Variants in EHHADH observed in about 807,000 individuals in gnomAD.
EHHADH encodes the protein peroxisomal bifunctional enzyme.
Under a neutral mutation model 64.4 loss-of-function variants are expected in EHHADH, and 48 were observed. The observed-to-expected ratio is 0.75, with a 90% CI of 0.59 to 0.95. The LOEUF is 0.95. Ranked by LOEUF, EHHADH falls within the 40% of genes least tolerant of loss-of-function variation. The pLI is 0.00. For synonymous variants in EHHADH, 308 were observed against 326.7 expected, an observed-to-expected ratio of 0.94 and a Z score of 0.62; for missense variants, 854 against 876.6, an observed-to-expected ratio of 0.97 and a Z score of 0.33.
At chr3:185,201,423 A>G (rs1718218355) in intron 6 of EHHADH, among the ~76,000 whole-genome samples, 1 of 152,214 alleles carries the variant, frequency 6.6e-6, no homozygotes, top group Non-Finnish European at 1.5e-5. Context: ...AGTGTCCCAT[A>G]AAGCGCAATG....
At position 185,248,021 on chromosome 3, in the gene EHHADH, G is replaced by A. The variant is rs533791187; in HGVS notation, c.178+393C>T. The A allele has an allele frequency of 3.7e-5, 6 of 162,996 alleles. No individual in the cohort carries two copies. In the East Asian group the frequency reaches 5.3e-4, roughly 14 times the overall value. 10.1% of individuals were successfully genotyped at this position (162,996 alleles called of 1,614,324 possible). On this transcript the variant is annotated intron_variant, in intron 2 of 6. Transcript: ENST00000231887. ...TAGAGGCTTTCAGATATGTTATCTCGCTTAATGTCACAAAAACCCCTTAAA... is the reference window on the plus strand; with the variant it reads ...TAGAGGCTTTCAGATATGTTATCTCACTTAATGTCACAAAAACCCCTTAAA...
chr3:185,232,264 T>A (rs1719156554), intron 3 of EHHADH, among the ~76,000 whole-genome samples: 1 of 152,166 alleles, frequency 6.6e-6, no homozygotes, highest in Non-Finnish European at 1.5e-5. Flanking sequence ...CTTTACTTAT[T>A]GCTAGTAACT....
Position 185,253,998 on chromosome 3 carries a change from T to C in EHHADH, c.25A>G (p.Asn9Asp). ...CGGAGGCGGATTAGCGCCAAGGCGT[T>C]GTGCAGCCGCGTATACTCGGCCATG... The part of the protein sequence containing the change: MAEYTRLH[N>D]ALALIRLRNP... Residue 9 changes from asparagine (N) to aspartate (D), a missense_variant, in exon 1 of 7, where the codon AAC becomes GAC. Transcript: ENST00000231887. 6.2e-7 allele frequency: 1 copy of C among 1,613,918 alleles called. No individual in the cohort carries two copies. Among genetic ancestry groups the C allele is most frequent in the South Asian group, 1.1e-5 (1 of 91,070 alleles).
intron 5 of EHHADH, among the ~76,000 whole-genome samples, chr3:185,206,925 A>G (rs1180500090): frequency 6.6e-6 from 1 of 150,922 alleles, no homozygotes. Context: ...CCAAATGTTC[A>G]TGTCTTAATT....
At chr3:185,235,242 A>G (rs200776679) in intron 3 of EHHADH, 48 bp downstream of exon 3, 7 of 1,514,250 alleles carry the variant, frequency 4.6e-6, no homozygotes, top group Middle Eastern at 2.2e-4. Context: ...AGTTTGCCCT[A>G]AAGAAAAGCC....
intron 5 of EHHADH, among the ~76,000 whole-genome samples, chr3:185,205,188 A>G (rs947243820): frequency 2.0e-5 from 3 of 151,910 alleles, no homozygotes; most frequent in Admixed American, 2.0e-4. Context: ...TTCAGCTTTT[A>G]TTTTAGATTG....
chr3:185,192,861 C>A lies in EHHADH; in HGVS notation c.1537G>T (p.Gly513Cys). The A allele has an allele frequency of 6.2e-7, 1 of 1,614,112 alleles. No individual in the cohort carries two copies. Among genetic ancestry groups the A allele is most frequent in the Non-Finnish European group, 8.5e-7 (1 of 1,180,018 alleles). The stretch of plus-strand genomic sequence containing the variant: ...ACTCTAAAAGGTCCCATTTTAAAAC[C>A]AAACTCTTCCAGCACCTGATCTACC... ...EEVDQVLEEF[G>C]FKMGPFRVSD... is the part of the protein sequence containing the mutation. The change falls in exon 7 of 7, where the codon GGT (glycine) becomes TGT (cysteine). Residue 513 changes from glycine to cysteine, a missense_variant. Physicochemically the swap from Gly to Cys is radical, Grantham distance 159 (BLOSUM62 -3). Transcript: ENST00000231887.
Position 185,198,010 on chromosome 3 carries a change from T to G in EHHADH, c.911-4523A>C, listed in dbSNP as rs146850778. On this transcript the variant is annotated intron_variant, in intron 6 of 6. Transcript: ENST00000231887. ...TGGGATTTCACCATGTTGGTCAGGC[T>G]GGTCTCGAATTCCTGACCTCAAGTA... 7.9e-5 allele frequency among the ~76,000 whole-genome samples: 12 copies of G among 152,320 alleles called. No individual in the cohort carries two copies. In the East Asian group the frequency reaches 2.3e-3, roughly 29 times the overall value.
At chr3:185,249,745 A>G (rs918371666) in intron 1 of EHHADH, among the ~76,000 whole-genome samples, 3 of 152,220 alleles carry the variant, frequency 2.0e-5, no homozygotes, top group Admixed American at 6.5e-5. Flanking sequence ...AGTCTCGGAT[A>G]TGTCTTTATA....
intron 5 of EHHADH, among the ~76,000 whole-genome samples, chr3:185,209,936 T>A (rs1277952356): frequency 6.6e-6 from 1 of 152,070 alleles, no homozygotes; most frequent in African/African-American, 2.4e-5. Context: ...ACCCAAAGAG[T>A]TAGCCCAATC....
At chr3:185,245,523 A>G in intron 2 of EHHADH, 5 of 1,028,856 alleles carry the variant, frequency 4.9e-6, no homozygotes, top group Non-Finnish European at 7.4e-6. Flanking sequence ...CAGTTTTGAT[A>G]CTGGCAACAG....
chr3:185,246,178 T>C (rs1719588853), intron 2 of EHHADH: 2 of 1,008,554 alleles, frequency 2.0e-6, no homozygotes, highest in South Asian at 1.4e-5. Flanking sequence ...TTCATCAATA[T>C]CAAATATCTT....
chr3:185,219,684 T>C (rs1351645626), intron 4 of EHHADH, among the ~76,000 whole-genome samples: 1 of 152,186 alleles, frequency 6.6e-6, no homozygotes, highest in African/African-American at 2.4e-5. Flanking sequence ...TCGCTTGCTT[T>C]CTTGCCAGTA....
At chr3:185,246,316 G>A (rs1191655702) in intron 2 of EHHADH, 15 of 764,784 alleles carry the variant, frequency 2.0e-5, no homozygotes, top group Non-Finnish European at 3.0e-5. Context: ...TCTGGCTCCA[G>A]ACTTTTGTTT....
chr3:185,237,572 C>G (rs554508267), intron 2 of EHHADH, among the ~76,000 whole-genome samples: 5 of 152,106 alleles, frequency 3.3e-5, no homozygotes, highest in African/African-American at 9.7e-5. Flanking sequence ...TCTTAATGCA[C>G]GTCAAATGTT....
chr3:185,250,642 T>C (rs1315046061), intron 1 of EHHADH, among the ~76,000 whole-genome samples: 1 of 152,352 alleles, frequency 6.6e-6, no homozygotes, highest in East Asian at 1.9e-4. Context: ...AAAGGCCATA[T>C]TGTTAAGACC....
chr3:185,201,971 C>T (rs1718239937), intron 6 of EHHADH, among the ~76,000 whole-genome samples: 1 of 152,262 alleles, frequency 6.6e-6, no homozygotes, highest in East Asian at 1.9e-4. Flanking sequence ...ATTGGTATTG[C>T]TGAAATATTT....
At chr3:185,205,891 G>T (rs1465370379) in intron 5 of EHHADH, among the ~76,000 whole-genome samples, 2 of 151,930 alleles carry the variant, frequency 1.3e-5, no homozygotes, top group Non-Finnish European at 2.9e-5. Flanking sequence ...CTGGCTAAAG[G>T]GTCTGAGATG....
At chr3:185,200,848 T>C (rs1718203023) in intron 6 of EHHADH, among the ~76,000 whole-genome samples, 1 of 152,166 alleles carries the variant, frequency 6.6e-6, no homozygotes, top group South Asian at 2.1e-4. Flanking sequence ...CTGAGAAGCC[T>C]GGGCCTGGGC....
Sources: allele counts gnomAD v4.1 joint callset (sites outside exome capture counted in the v4.1 genomes callset), GRCh38; gene constraint gnomAD v4.1.1; transcripts MANE v1.5; gene names NCBI Gene and HGNC (gene_info 2026-07-23, HGNC 2026-07-21).